Variants in CHRM3 observed in about 807,000 individuals in gnomAD.
CHRM3 encodes the protein muscarinic acetylcholine receptor M3.
CHRM3 carries 11 observed loss-of-function variants against 41.8 expected under a neutral mutation model. The observed-to-expected ratio is 0.26, with a 90% CI of 0.17 to 0.44. The LOEUF is 0.44. Ranked by LOEUF, CHRM3 falls within the 20% of genes least tolerant of loss-of-function variation. CHRM3 has a pLI of 1.00. For missense variants in CHRM3, 571 were observed against 745.4 expected (o/e 0.77, Z 2.72); for synonymous variants, 297 against 301.4 (o/e 0.99, Z 0.15).
chr1:239,549,401 G>A (rs79540750), intron 3 of CHRM3, among the ~76,000 whole-genome samples: 3,563 of 151,172 alleles, frequency 0.024, 129 homozygotes, highest in African/African-American at 0.081. Context: ...TATAATCCCA[G>A]CACTTTGGGA....
Position 239,766,819 on chromosome 1 carries a change from C to T in CHRM3, c.-146-60433C>T, listed in dbSNP as rs528491162. 1.4e-3 allele frequency among the ~76,000 whole-genome samples: 206 copies of T among 152,268 alleles called. 1 individual carries two copies. Among genetic ancestry groups the T allele is most frequent in the Non-Finnish European group, 2.4e-3 (161 of 68,024 alleles). ...CTTCATCTCGTGGGTTCTAATGATT[C>T]TCCTGTCTCAGCCTCCTGAGTAGCT... On this transcript the variant is annotated intron_variant, in intron 5 of 6. Transcript: ENST00000676153.
intron 5 of CHRM3, among the ~76,000 whole-genome samples, chr1:239,819,450 C>T (rs986999951): frequency 6.6e-6 from 1 of 152,218 alleles, no homozygotes; most frequent in African/African-American, 2.4e-5. Flanking sequence ...TTGCTTCTAG[C>T]TCAGCCTGTA....
At chr1:239,417,020 A>G (rs1416859251) in intron 1 of CHRM3, among the ~76,000 whole-genome samples, 1 of 152,180 alleles carries the variant, frequency 6.6e-6, no homozygotes, top group African/African-American at 2.4e-5. Context: ...ATGGAAAAAA[A>G]GGCCTGAAAA....
chr1:239,756,032 T>G (rs985260083), intron 5 of CHRM3, among the ~76,000 whole-genome samples: 2 of 152,198 alleles, frequency 1.3e-5, no homozygotes, highest in African/African-American at 4.8e-5. Context: ...AAGTGAGAAC[T>G]TTTCAAAGCA....
chr1:239,835,205 A>C (rs1673211782), intron 6 of CHRM3, among the ~76,000 whole-genome samples: 1 of 152,234 alleles, frequency 6.6e-6, no homozygotes, highest in East Asian at 1.9e-4. Flanking sequence ...CCAACAGGAA[A>C]CTGGGCAGAT....
intron 5 of CHRM3, among the ~76,000 whole-genome samples, chr1:239,799,339 T>C (rs182661237): frequency 1.1e-3 from 166 of 152,212 alleles, no homozygotes; most frequent in African/African-American, 3.8e-3. Flanking sequence ...ATGTTCATGA[T>C]GATGGGCAGG....
chr1:239,841,882 T>C (rs1673827585), intron 6 of CHRM3, among the ~76,000 whole-genome samples: 1 of 152,196 alleles, frequency 6.6e-6, no homozygotes, highest in Non-Finnish European at 1.5e-5. Context: ...TGGAGAGAAG[T>C]TGTGCAAAAT....
At chr1:239,642,615 A>G (rs1163009292) in intron 4 of CHRM3, among the ~76,000 whole-genome samples, 2 of 152,136 alleles carry the variant, frequency 1.3e-5, no homozygotes. Context: ...TTTCAGCTCC[A>G]TCAGCTCCTT....
intron 2 of CHRM3, among the ~76,000 whole-genome samples, chr1:239,506,770 G>C (rs1668599576): frequency 6.6e-6 from 1 of 152,198 alleles, no homozygotes; most frequent in Admixed American, 6.5e-5. Flanking sequence ...GCCAGCCCAT[G>C]AAAGCAGCCA....
intron 3 of CHRM3, among the ~76,000 whole-genome samples, chr1:239,565,884 T>C (rs17587022): frequency 0.45 from 67,036 of 150,476 alleles, 15,466 homozygotes; most frequent in East Asian, 0.6. Context: ...ATGAGCAAAA[T>C]GATTTTCACT....
At chr1:239,409,496 C>G (rs1159055250) in intron 1 of CHRM3, among the ~76,000 whole-genome samples, 1 of 152,144 alleles carries the variant, frequency 6.6e-6, no homozygotes, top group Non-Finnish European at 1.5e-5. Flanking sequence ...TGAATTTTCC[C>G]CATCTCACGT....
At chr1:239,418,840 T>C (rs2103086754) in intron 1 of CHRM3, among the ~76,000 whole-genome samples, 1 of 152,318 alleles carries the variant, frequency 6.6e-6, no homozygotes, top group East Asian at 1.9e-4. Flanking sequence ...TTCCCTCATC[T>C]CTGCTTCACA....
At chr1:239,881,282 CAAA>C (rs71567253) in intron 6 of CHRM3, among the ~76,000 whole-genome samples, 89 of 33,980 alleles carry the variant, frequency 2.6e-3, no homozygotes, top group Non-Finnish European at 3.7e-3. Flanking sequence ...GACTCCGTCT[CAAA>C]AAAAAAAAAA....
chr1:239,681,118 A>T (rs1220003989), intron 5 of CHRM3, among the ~76,000 whole-genome samples: 2 of 152,150 alleles, frequency 1.3e-5, no homozygotes, highest in African/African-American at 4.8e-5. Context: ...ACCAGTCTCC[A>T]TGATTCCATT....
rs192583563 is a variant in CHRM3, at chr1:239,785,282, T to C, written c.-146-41970T>C. On this transcript the variant is annotated intron_variant, in intron 5 of 6. Transcript: ENST00000676153. Reference sequence around the variant, plus strand: ...TGTAGATAAACTCTCTGTGATTTCATTGAGGAGTATTTGTATAGATCAGCT... The same window carrying C: ...TGTAGATAAACTCTCTGTGATTTCACTGAGGAGTATTTGTATAGATCAGCT... Among the ~76,000 whole-genome samples, 266 of 152,268 alleles carry C rather than the reference T, an allele frequency of 1.7e-3. 1 individual carries two copies. Among genetic ancestry groups the C allele is most frequent in the African/African-American group, 6.1e-3 (252 of 41,558 alleles).
chr1:239,769,890 A>G (rs899050374), intron 5 of CHRM3, among the ~76,000 whole-genome samples: 1 of 152,128 alleles, frequency 6.6e-6, no homozygotes, highest in Admixed American at 6.6e-5. Context: ...CAAAAAAAAA[A>G]AAAATTATTT....
chr1:239,466,001 A>AT (rs549115480), intron 1 of CHRM3, among the ~76,000 whole-genome samples: 4 of 151,582 alleles, frequency 2.6e-5, no homozygotes, highest in South Asian at 2.1e-4. Context: ...TTATTTATTT[A>AT]TTTTTTTCCT....
chr1:239,560,725 T>A (rs1487394518), intron 3 of CHRM3, among the ~76,000 whole-genome samples: 2 of 152,136 alleles, frequency 1.3e-5, no homozygotes, highest in Non-Finnish European at 2.9e-5. Flanking sequence ...TGTAAATCTT[T>A]GACTGTGTCT....
chr1:239,707,743 A>T (rs772441262), intron 5 of CHRM3: 1 of 152,146 alleles, frequency 6.6e-6, no homozygotes, highest in Admixed American at 6.5e-5. Context: ...GTTTGTCAGC[A>T]ATTATTCTGT....
Sources: allele counts gnomAD v4.1 joint callset (sites outside exome capture counted in the v4.1 genomes callset), GRCh38; gene constraint gnomAD v4.1.1; transcripts MANE v1.5; gene names NCBI Gene and HGNC (gene_info 2026-07-23, HGNC 2026-07-21).